CNTN1: variants seen among roughly 807,000 people sequenced by gnomAD.
CNTN1 encodes contactin-1.
A neutral mutation model predicts 126.4 loss-of-function variants in CNTN1; 38 were observed. The ratio of observed to expected loss-of-function variants is 0.30; its 90% CI spans 0.23 to 0.39. The LOEUF is 0.39. Ranked by LOEUF, CNTN1 falls within the 10% of genes least tolerant of loss-of-function variation. The pLI is 1.00. For synonymous variants in CNTN1, 413 were observed against 422.6 expected, an observed-to-expected ratio of 0.98 and a Z score of 0.28; for missense variants, 1,009 against 1,248.4, an observed-to-expected ratio of 0.81 and a Z score of 2.89.
At chr12:40,754,967 G>A (rs2136404292) in intron 1 of CNTN1, among the ~76,000 whole-genome samples, 1 of 151,970 alleles carries the variant, frequency 6.6e-6, no homozygotes, top group South Asian at 2.1e-4. Context: ...AAGCCAAGGT[G>A]GAATATCCCT....
intron 17 of CNTN1, among the ~76,000 whole-genome samples, chr12:41,008,737 C>T (rs1252899382): frequency 6.6e-6 from 1 of 152,048 alleles, no homozygotes. Context: ...ATGCTTAAAC[C>T]TTCTGACTTG....
At chr12:41,048,370 T>G (rs984931048) in intron 23 of CNTN1, among the ~76,000 whole-genome samples, 1 of 152,180 alleles carries the variant, frequency 6.6e-6, no homozygotes, top group African/African-American at 2.4e-5. Context: ...TCTTCTCTCT[T>G]TAGTCAATGA....
chr12:40,801,937 T>C (rs757328219), intron 1 of CNTN1, among the ~76,000 whole-genome samples: 5 of 151,774 alleles, frequency 3.3e-5, no homozygotes, highest in Non-Finnish European at 5.9e-5. Context: ...GGGCTCGAAC[T>C]TGGTTATTGA....
chr12:41,019,275 AC>A (rs1362467442), intron 19 of CNTN1, among the ~76,000 whole-genome samples: 1 of 152,214 alleles, frequency 6.6e-6, no homozygotes, highest in Admixed American at 6.5e-5. Context: ...TTACCTTCTC[AC>A]CTTTTTACTG....
Position 40,727,056 on chromosome 12 carries a change from TTC to T in CNTN1, c.-77+34466_-77+34467del, listed in dbSNP as rs1419979769. Among the ~76,000 whole-genome samples the T allele has an allele frequency of 4.0e-5, 6 of 149,972 alleles. No individual in the cohort carries two copies. The South Asian group carries it at 6.2e-4, about 16-fold the overall frequency. ...TATTTCTTTAAAATACTTCCTCATG[TTC>T]TTTTTTATTATAATAATTAAAAATT... is the stretch of plus-strand genomic sequence containing the variant. On this transcript the variant is annotated intron_variant, in intron 1 of 23. Coordinates refer to ENST00000551295, the MANE Select transcript of CNTN1 (RefSeq NM_001843.4).
rs1313327981 is a variant in CNTN1 at position 40,830,817 on chromosome 12, A to G, written c.-76-77540A>G. The stretch of plus-strand genomic sequence containing the variant: ...TATATATATATATATATATATATAT[A>G]TATATATATATATATATACTCTTTA... On this transcript the variant is annotated intron_variant, in intron 1 of 23. Transcript: ENST00000551295. Among the ~76,000 whole-genome samples the G allele has an allele frequency of 4.8e-5, 6 of 125,962 alleles. 1 individual carries two copies. The highest frequency in any genetic ancestry group is 4.8e-4 in the East Asian group (2 of 4,188). The allele number at this position is 125,962 out of a possible 152,430, so 82.6% of individuals were successfully genotyped here.
chr12:40,719,448 TTG>T (rs1942136083), intron 1 of CNTN1, among the ~76,000 whole-genome samples: 2 of 152,212 alleles, frequency 1.3e-5, no homozygotes, highest in Non-Finnish European at 2.9e-5. Context: ...TTCTAATTAG[TTG>T]TCCTTCTTAA....
intron 1 of CNTN1, among the ~76,000 whole-genome samples, chr12:40,876,213 T>G (rs1205246632): frequency 6.6e-6 from 1 of 151,614 alleles, no homozygotes; most frequent in Non-Finnish European, 1.5e-5. Context: ...AATTAATATC[T>G]GTATGCAACC....
chr12:40,739,801 C>T (rs1283888706), intron 1 of CNTN1, among the ~76,000 whole-genome samples: 1 of 151,964 alleles, frequency 6.6e-6, no homozygotes, highest in East Asian at 1.9e-4. Context: ...AAAGAACAGA[C>T]CTCAGTTGTA....
intron 23 of CNTN1, among the ~76,000 whole-genome samples, chr12:41,048,998 A>G (rs2121010089): frequency 6.6e-6 from 1 of 152,276 alleles, no homozygotes; most frequent in Middle Eastern, 3.4e-3. Flanking sequence ...AATGACCTCC[A>G]TGTTTCTAAT....
chr12:41,018,329 C>T (rs985472104), intron 19 of CNTN1, among the ~76,000 whole-genome samples: 1 of 152,004 alleles, frequency 6.6e-6, no homozygotes, highest in Non-Finnish European at 1.5e-5. Flanking sequence ...TATTGGTTCA[C>T]CCAACTTCCA....
At chr12:41,028,115 T>G (rs1332366431) in intron 22 of CNTN1, 146 bp downstream of exon 22, 2 of 645,354 alleles carry the variant, frequency 3.1e-6, no homozygotes, top group Non-Finnish European at 2.8e-6. Context: ...CATTGCAGCC[T>G]CCACTTCCTG....
Position 41,016,922 on chromosome 12 carries a change from TGAAA to T in CNTN1, c.2419+13_2419+16del, listed in dbSNP as rs1206740275. ...CATTAATTCAGCACAAGACGGTAGGTGAAAGAAAGACCTTCTTACCTGAGGAGGG... is the reference window on the plus strand; with the variant it reads ...CATTAATTCAGCACAAGACGGTAGGTGAAAGACCTTCTTACCTGAGGAGGG... On this transcript the variant is annotated splice_region_variant and intron_variant, in intron 19 of 23. Transcript: ENST00000551295. The T allele has an allele frequency of 1.9e-6, 3 of 1,606,086 alleles. No individual in the cohort carries two copies. In the Admixed American group the frequency reaches 5.0e-5, roughly 27 times the overall value.
At chr12:40,979,070 T>A (rs954752336) in intron 15 of CNTN1, 3 of 152,212 alleles carry the variant, frequency 2.0e-5, no homozygotes, top group Non-Finnish European at 4.4e-5. Flanking sequence ...TTTTCTTACA[T>A]ATGAAAAATG....
chr12:40,865,510 AT>A (rs1247399697), intron 1 of CNTN1, among the ~76,000 whole-genome samples: 2 of 151,932 alleles, frequency 1.3e-5, no homozygotes, highest in African/African-American at 4.8e-5. Flanking sequence ...ATTCTGAATC[AT>A]TTTTTTGGTA....
chr12:40,823,140 C>A (rs559398781), intron 1 of CNTN1, among the ~76,000 whole-genome samples: 19 of 152,188 alleles, frequency 1.2e-4, no homozygotes, highest in African/African-American at 4.6e-4. Flanking sequence ...AATATTAATT[C>A]TTTTCCATAT....
At chr12:40,725,010 G>T (rs1265730149) in intron 1 of CNTN1, among the ~76,000 whole-genome samples, 3 of 152,162 alleles carry the variant, frequency 2.0e-5, no homozygotes, top group Admixed American at 2.0e-4. Context: ...CAAATGACAT[G>T]TGACCAAGAA....
intron 1 of CNTN1, among the ~76,000 whole-genome samples, chr12:40,838,725 A>C (rs1050820241): frequency 5.3e-5 from 8 of 152,204 alleles, no homozygotes; most frequent in African/African-American, 1.7e-4. Flanking sequence ...AATCAAAGTC[A>C]AAGTACCCTA....
At chr12:40,945,865 T>G (rs12811306) in intron 14 of CNTN1, among the ~76,000 whole-genome samples, 1 of 152,044 alleles carries the variant, frequency 6.6e-6, no homozygotes, top group Non-Finnish European at 1.5e-5. Flanking sequence ...GAGATTCACA[T>G]AGTTACCCCT....
Sources: allele counts gnomAD v4.1 joint callset (sites outside exome capture counted in the v4.1 genomes callset), GRCh38; gene constraint gnomAD v4.1.1; transcripts MANE v1.5; gene names NCBI Gene and HGNC (gene_info 2026-07-23, HGNC 2026-07-21).